PLEKHG1: variants seen among roughly 807,000 people sequenced by gnomAD.
PLEKHG1 encodes the protein pleckstrin homology domain-containing family G member 1.
Under a neutral mutation model 100.8 loss-of-function variants are expected in PLEKHG1, and 44 were observed. The ratio of observed to expected loss-of-function variants is 0.44; its 90% CI spans 0.34 to 0.56. The LOEUF is 0.56. Among genes scored for constraint, PLEKHG1 ranks in the 20% least tolerant of loss-of-function variants. PLEKHG1 has a pLI of 0.01. For missense variants in PLEKHG1, 1,545 were observed against 1,720.9 expected, an observed-to-expected ratio of 0.90 and a Z score of 1.81; for synonymous variants, 640 against 662.5, an observed-to-expected ratio of 0.97 and a Z score of 0.52.
At chr6:150,616,294 G>C (rs185398652) in intron 1 of PLEKHG1, among the ~76,000 whole-genome samples, 1 of 152,308 alleles carries the variant, frequency 6.6e-6, no homozygotes, top group African/African-American at 2.4e-5. Flanking sequence ...GTTATAGGCA[G>C]CTACATACCT....
At chr6:150,771,935 G>C (rs1288751968) in intron 3 of PLEKHG1, among the ~76,000 whole-genome samples, 1 of 152,114 alleles carries the variant, frequency 6.6e-6, no homozygotes, top group Non-Finnish European at 1.5e-5. Context: ...TGGCTCATGG[G>C]AGTTTGTCAT....
intron 3 of PLEKHG1, among the ~76,000 whole-genome samples, chr6:150,786,175 G>A (rs1284429282): frequency 6.6e-6 from 1 of 152,150 alleles, no homozygotes; most frequent in Non-Finnish European, 1.5e-5. Flanking sequence ...TGGTGGGAGA[G>A]TTATGGGTTC....
chr6:150,824,742 C>A (rs1433239189), intron 14 of PLEKHG1, among the ~76,000 whole-genome samples: 2 of 152,124 alleles, frequency 1.3e-5, no homozygotes, highest in Non-Finnish European at 2.9e-5. Context: ...GTTGGCAACG[C>A]CAGTCTGGAA....
At chr6:150,736,506 T>A (rs1782569694) in intron 2 of PLEKHG1, among the ~76,000 whole-genome samples, 1 of 152,178 alleles carries the variant, frequency 6.6e-6, no homozygotes, top group African/African-American at 2.4e-5. Context: ...CGGTGGCTTA[T>A]GCCTGTAATC....
At chr6:150,810,133 C>CA (rs1159486121) in intron 10 of PLEKHG1, among the ~76,000 whole-genome samples, 1 of 151,822 alleles carries the variant, frequency 6.6e-6, no homozygotes, top group Non-Finnish European at 1.5e-5. Flanking sequence ...CCCATCTCTA[C>CA]AAAAAATATA....
chr6:150,676,075 T>C (rs1217929914), intron 3 of PLEKHG1, among the ~76,000 whole-genome samples: 1 of 152,174 alleles, frequency 6.6e-6, no homozygotes, highest in Non-Finnish European at 1.5e-5. Context: ...GTTTCAGCTG[T>C]AAAGAAGAAA....
intron 3 of PLEKHG1, among the ~76,000 whole-genome samples, chr6:150,682,694 G>A (rs909694522): frequency 2.0e-5 from 3 of 152,170 alleles, no homozygotes; most frequent in African/African-American, 7.2e-5. Flanking sequence ...ACACACGGGA[G>A]CAGACCTTGC....
chr6:150,759,886 T>C (rs1345173285), intron 2 of PLEKHG1, among the ~76,000 whole-genome samples: 2 of 151,962 alleles, frequency 1.3e-5, no homozygotes, highest in African/African-American at 4.8e-5. Flanking sequence ...TAACCCCAGC[T>C]ACTGGGAAGG....
intron 3 of PLEKHG1, among the ~76,000 whole-genome samples, chr6:150,682,378 T>C (rs1226990303): frequency 6.6e-6 from 1 of 152,028 alleles, no homozygotes; most frequent in Non-Finnish European, 1.5e-5. Flanking sequence ...ACACCCACAG[T>C]GCCGCATCTG....
At chr6:150,628,488 C>T (rs534612221) in intron 1 of PLEKHG1, among the ~76,000 whole-genome samples, 1 of 140,330 alleles carries the variant, frequency 7.1e-6, no homozygotes, top group African/African-American at 2.6e-5. Context: ...GAGTCCTCAG[C>T]AAATGGACAT....
intron 2 of PLEKHG1, among the ~76,000 whole-genome samples, chr6:150,646,449 A>G (rs763985482): frequency 3.9e-5 from 6 of 152,130 alleles, no homozygotes; most frequent in Non-Finnish European, 8.8e-5. Context: ...GAGTAGGGCA[A>G]GGGAGAGGAA....
At chr6:150,818,594 G>C (rs147028043) in intron 11 of PLEKHG1, among the ~76,000 whole-genome samples, 1 of 152,112 alleles carries the variant, frequency 6.6e-6, no homozygotes, top group African/African-American at 2.4e-5. Flanking sequence ...TGCAAGAATC[G>C]CAATCACTTC....
rs894179068 is a variant in PLEKHG1, at chr6:150,832,036, G to C, written c.2925G>C (p.Arg975Ser). ...AGGCCACAGATAAGACAAAAAGCAG[G>C]GTGTTTATGATGGCTCGGCAGTACA... is the stretch of plus-strand genomic sequence containing the variant. Residue 975 changes from arginine (R) to serine (S), a missense_variant, in exon 15 of 16, where the codon AGG (arginine) becomes AGC (serine). Arg to Ser is a moderately radical substitution (Grantham distance 110, BLOSUM62 -1). Transcript: ENST00000358517. The C allele has an allele frequency of 1.2e-6, 2 of 1,614,086 alleles. No individual in the cohort carries two copies. The highest frequency in any genetic ancestry group is 1.7e-5 in the Admixed American group (1 of 59,996).
chr6:150,726,207 T>G (rs1781956436), intron 1 of PLEKHG1, among the ~76,000 whole-genome samples: 1 of 152,192 alleles, frequency 6.6e-6, no homozygotes, highest in African/African-American at 2.4e-5. Flanking sequence ...ATAGTGCCTA[T>G]AGCTAACAAT....
intron 2 of PLEKHG1, among the ~76,000 whole-genome samples, chr6:150,643,296 T>TA (rs1012777633): frequency 1.3e-5 from 2 of 152,198 alleles, no homozygotes; most frequent in Admixed American, 6.5e-5. Context: ...GTTTCCTTTT[T>TA]AAAAGCTCAC....
intron 15 of PLEKHG1, among the ~76,000 whole-genome samples, chr6:150,833,929 A>T (rs1355482444): frequency 6.6e-6 from 1 of 152,184 alleles, no homozygotes; most frequent in East Asian, 1.9e-4. Flanking sequence ...TGACATTGAC[A>T]TCCATGGAAA....
exon 16 of PLEKHG1, chr6:150,842,278 A>T (rs1777559256): frequency 6.6e-6 from 1 of 152,238 alleles, no homozygotes; most frequent in African/African-American, 2.4e-5. Flanking sequence ...TCTCATTTTA[A>T]TCAGGTGTAC....
Position 150,783,084 on chromosome 6 carries a change from CAT to C in PLEKHG1, c.513-3305_513-3304del, listed in dbSNP as rs769750101. ...GCATAAGCAAGAAACATCCAAAACA[CAT>C]GTTTAAAAAAAAACTTTGAAATTGA... On this transcript the variant is annotated intron_variant, in intron 3 of 15. Coordinates refer to ENST00000358517, the Ensembl canonical transcript of PLEKHG1. 3.1e-5 allele frequency among the ~76,000 whole-genome samples: 4 copies of C among 130,380 alleles called. No individual in the cohort carries two copies. The East Asian group carries it at 7.5e-4, about 24-fold the overall frequency. The allele number at this position is 130,380 out of a possible 152,430, so 85.5% of individuals were successfully genotyped here.
chr6:150,701,583 T>C (rs1780793201), intron 3 of PLEKHG1, among the ~76,000 whole-genome samples: 2 of 147,642 alleles, frequency 1.4e-5, no homozygotes, highest in Non-Finnish European at 3.0e-5. Flanking sequence ...TAGGTATATC[T>C]CCTAATGCTA....
Sources: allele counts gnomAD v4.1 joint callset (sites outside exome capture counted in the v4.1 genomes callset), GRCh38; gene constraint gnomAD v4.1.1; transcripts MANE v1.5; gene names NCBI Gene and HGNC (gene_info 2026-07-23, HGNC 2026-07-21).